Variants in BMP7 observed in about 807,000 individuals in gnomAD.
The protein encoded by BMP7 is bone morphogenetic protein 7, also known as osteogenic protein 1.
BMP7 carries 12 observed loss-of-function variants against 41.2 expected under a neutral mutation model. The observed-to-expected ratio is 0.29, with a 90% CI of 0.19 to 0.47. The LOEUF (loss-of-function observed/expected upper bound fraction) is 0.47, where lower values mean the gene tolerates loss of function less well. Among genes scored for constraint, BMP7 ranks in the 20% least tolerant of loss-of-function variants. The pLI, the probability that BMP7 is intolerant of heterozygous loss-of-function variation, is 0.99. For synonymous variants in BMP7, 248 were observed against 250.0 expected (o/e 0.99, Z 0.07); for missense variants, 467 against 606.0 (o/e 0.77, Z 2.41).
At chr20:57,264,453 C>T (rs2066166013) in intron 1 of BMP7, among the ~76,000 whole-genome samples, 1 of 152,200 alleles carries the variant, frequency 6.6e-6, no homozygotes, top group Non-Finnish European at 1.5e-5. Flanking sequence ...GATCATCAGT[C>T]CCGCAGCGCG....
intron 3 of BMP7, among the ~76,000 whole-genome samples, chr20:57,193,451 C>T (rs1347498652): frequency 3.3e-5 from 5 of 152,186 alleles, no homozygotes; most frequent in Admixed American, 3.3e-4. Context: ...CTGGGAAACT[C>T]CGCTTTGTAG....
At chr20:57,178,720 G>A (rs1983996249) in intron 4 of BMP7, among the ~76,000 whole-genome samples, 1 of 152,160 alleles carries the variant, frequency 6.6e-6, no homozygotes, top group South Asian at 2.1e-4. Context: ...AGAAGGCAGG[G>A]TGGAGGAGAA....
chr20:57,236,574 C>T lies in BMP7; in HGVS notation c.419-8153G>A, dbSNP rs1233026114. 2.6e-5 allele frequency among the ~76,000 whole-genome samples: 4 copies of T among 152,008 alleles called. No individual in the cohort carries two copies. In the South Asian group the frequency reaches 6.2e-4, roughly 24 times the overall value. ...TTGGGGCTACCTGGGAGGGGGAGAA[C>T]GATGCCACCAGAAGGACTTGGTCCA... On this transcript the variant is annotated intron_variant, in intron 1 of 6. Coordinates refer to ENST00000395863, the MANE Select transcript of BMP7 (RefSeq NM_001719.3).
In BMP7 at chr20:57,265,881, A is replaced by T; in HGVS notation, c.242T>A (p.Met81Lys). The change falls in exon 1 of 7, where the codon ATG becomes AAG. Residue 81 changes from methionine (M) to lysine (K), a missense_variant. Physicochemically the swap from Met to Lys is moderately conservative, Grantham distance 95 (BLOSUM62 -1). Around this residue, in one of 2 missense-constraint regions of BMP7, gnomAD observed 407 missense variants for 485.9 expected, o/e 0.84. Transcript: ENST00000395863. ...GGCGTTGTACAGGTCCAGCATGAACATGGGTGCCGAGTTGTGCTTGCCCTG... is the reference window on the plus strand; with the variant it reads ...GGCGTTGTACAGGTCCAGCATGAACTTGGGTGCCGAGTTGTGCTTGCCCTG... ...HLQGKHNSAP[M>K]FMLDLYNAMA... 1 of 1,602,726 alleles carries T rather than the reference A, an allele frequency of 6.2e-7. No individual in the cohort carries two copies. The highest frequency in any genetic ancestry group is 8.5e-7 in the Non-Finnish European group (1 of 1,174,874).
At chr20:57,197,763 T>C (rs780870348) in intron 3 of BMP7, among the ~76,000 whole-genome samples, 1 of 152,244 alleles carries the variant, frequency 6.6e-6, no homozygotes, top group Non-Finnish European at 1.5e-5. Context: ...TCCAGCCGCC[T>C]ACAGAATCCG....
chr20:57,236,402 T>C (rs569349834), intron 1 of BMP7, among the ~76,000 whole-genome samples: 25 of 152,302 alleles, frequency 1.6e-4, no homozygotes, highest in African/African-American at 5.5e-4. Flanking sequence ...ACCTGCAGAA[T>C]GTTCAACTGG....
intron 4 of BMP7, 82 bp downstream of exon 4, chr20:57,183,640 T>C (rs773777499): frequency 2.5e-6 from 4 of 1,577,772 alleles, no homozygotes; most frequent in South Asian, 1.1e-5. Flanking sequence ...TGAATGGATT[T>C]TGAGTCAGTC....
At chr20:57,172,282 T>C (rs1185726553) in intron 6 of BMP7, among the ~76,000 whole-genome samples, 1 of 152,086 alleles carries the variant, frequency 6.6e-6, no homozygotes, top group African/African-American at 2.4e-5. Flanking sequence ...AGTAGGGCTT[T>C]GAAGTTTACA....
At chr20:57,179,445 T>A (rs1306449124) in intron 4 of BMP7, among the ~76,000 whole-genome samples, 2 of 152,172 alleles carry the variant, frequency 1.3e-5, no homozygotes, top group African/African-American at 4.8e-5. Context: ...GGGAGCTGGG[T>A]CCAAACGTGG....
intron 1 of BMP7, among the ~76,000 whole-genome samples, chr20:57,258,360 C>T (rs1353208386): frequency 1.3e-5 from 2 of 152,138 alleles, no homozygotes; most frequent in African/African-American, 2.4e-5. Context: ...ACCCCAGCTG[C>T]GGGAGCCTTG....
rs188130885 is a variant in BMP7, at chr20:57,265,562, T to C, written c.418+143A>G. ...ACACAGCTTGGGAGTCATAGGGCTG[T>C]GGGTGGGAGACCCTCGGGCAGGCAC... On this transcript the variant is annotated intron_variant, in intron 1 of 6. Transcript: ENST00000395863. The C allele has an allele frequency of 4.0e-5, 53 of 1,335,876 alleles. No individual in the cohort carries two copies. The Middle Eastern group carries it at 5.8e-4, about 15-fold the overall frequency. 82.8% of individuals were successfully genotyped at this position (1,335,876 alleles called of 1,614,324 possible).
rs921243247 is a variant in BMP7, at chr20:57,224,979, C to T, written c.611+3250G>A. ...TGAGGCTGACCCAAAGCCGGCTAATCCTCGGCACCCCCGGGGCTTTCCTGG... is the reference window on the plus strand; with the variant it reads ...TGAGGCTGACCCAAAGCCGGCTAATTCTCGGCACCCCCGGGGCTTTCCTGG... On this transcript the variant is annotated intron_variant, in intron 2 of 6. Transcript: ENST00000395863. This position sits in a 1 kb window ranked among gnomAD's most constrained non-coding sequence, Gnocchi z 4.8. 6.6e-6 allele frequency: 1 copy of T among 152,356 alleles called. No homozygotes were observed. The highest frequency in any genetic ancestry group is 1.5e-5 in the Non-Finnish European group (1 of 68,148). 9.4% of individuals were successfully genotyped at this position (152,356 alleles called of 1,614,324 possible). A position where few individuals can be genotyped will look rare whatever the true frequency, so the allele number is the denominator to read the frequency against.
chr20:57,244,642 G>T (rs2066082585), intron 1 of BMP7, among the ~76,000 whole-genome samples: 1 of 152,210 alleles, frequency 6.6e-6, no homozygotes, highest in Non-Finnish European at 1.5e-5. Flanking sequence ...ACAGGCAGAG[G>T]CCCCCAGTTC....
chr20:57,170,768 G>T lies in BMP7; in HGVS notation c.*191C>A. The T allele has an allele frequency of 1.4e-6, 1 of 706,290 alleles. No homozygotes were observed. The highest frequency in any genetic ancestry group is 2.4e-6 in the Non-Finnish European group (1 of 422,574). 43.8% of individuals were successfully genotyped at this position (706,290 alleles called of 1,614,324 possible). On this transcript the variant is annotated 3_prime_UTR_variant, in exon 7 of 7. Coordinates refer to ENST00000395863, the MANE Select transcript of BMP7 (RefSeq NM_001719.3). ...CACAGCTTGTAGGATCTTGTTCATT[G>T]GATGCTGCCACTGAAAAACTGATCA...
At chr20:57,258,323 C>T (rs191674751) in intron 1 of BMP7, among the ~76,000 whole-genome samples, 27 of 152,276 alleles carry the variant, frequency 1.8e-4, no homozygotes, top group Middle Eastern at 3.4e-3. Context: ...ATGCTGAATC[C>T]ACACAGGGCT....
chr20:57,211,276 G>A (rs1984877147), intron 2 of BMP7, among the ~76,000 whole-genome samples: 1 of 152,228 alleles, frequency 6.6e-6, no homozygotes, highest in South Asian at 2.1e-4. Flanking sequence ...CAAAAACTGA[G>A]GGGCAGGGAG....
intron 1 of BMP7, among the ~76,000 whole-genome samples, chr20:57,233,527 C>T (rs2066036626): frequency 6.6e-6 from 1 of 152,206 alleles, no homozygotes; most frequent in South Asian, 2.1e-4. Flanking sequence ...CAGGTAGGAA[C>T]AAGAAGCTGC....
intron 1 of BMP7, among the ~76,000 whole-genome samples, chr20:57,247,974 G>A (rs2066096883): frequency 6.6e-6 from 1 of 152,166 alleles, no homozygotes; most frequent in Non-Finnish European, 1.5e-5. Flanking sequence ...CTGTTGGCTA[G>A]AGTTCTATAT....
At chr20:57,200,893 C>A (rs1207112967) in intron 3 of BMP7, among the ~76,000 whole-genome samples, 1 of 152,226 alleles carries the variant, frequency 6.6e-6, no homozygotes, top group Non-Finnish European at 1.5e-5. Context: ...CCCACTGAAG[C>A]CCTGTTTGTG....
Sources: gnomAD v4.1 joint callset for allele counts (sites outside exome capture counted in the v4.1 genomes callset) on GRCh38, gnomAD v4.1.1 for gene constraint, gnomAD v4.1.1 regional missense constraint, Gnocchi (gnomAD v3.1) non-coding constraint, MANE v1.5 for transcripts, NCBI Gene and HGNC (gene_info 2026-07-23, HGNC 2026-07-21) for gene names.